The following OSBPL6 variants were observed in gnomAD, a reference collection of about 807,000 sequenced individuals.
OSBPL6 encodes oxysterol binding protein like 6, also known as oxysterol-binding protein-related protein 6.
Under a neutral mutation model 125.8 loss-of-function variants are expected in OSBPL6, and 49 were observed. The observed-to-expected ratio is 0.39, with a 90% CI of 0.31 to 0.49. OSBPL6 has a LOEUF of 0.49. Among genes scored for constraint, OSBPL6 ranks in the 20% least tolerant of loss-of-function variants. The pLI is 0.88. For missense variants in OSBPL6, 986 were observed against 1,135.4 expected, an observed-to-expected ratio of 0.87 and a Z score of 1.89; for synonymous variants, 394 against 391.8, an observed-to-expected ratio of 1.01 and a Z score of -0.07.
At chr2:178,210,000 A>C (rs1163029432) in intron 1 of OSBPL6, among the ~76,000 whole-genome samples, 1 of 151,946 alleles carries the variant, frequency 6.6e-6, no homozygotes, top group Non-Finnish European at 1.5e-5. Flanking sequence ...ACTATAAGTA[A>C]ATTTTATTTA....
chr2:178,364,534 T>G (rs1462173503), intron 13 of OSBPL6, among the ~76,000 whole-genome samples: 1 of 152,192 alleles, frequency 6.6e-6, no homozygotes, highest in Non-Finnish European at 1.5e-5. Context: ...AGAATCAGCA[T>G]GGCTTGGAGA....
intron 4 of OSBPL6, among the ~76,000 whole-genome samples, chr2:178,325,126 A>G (rs1688582107): frequency 6.6e-6 from 1 of 152,224 alleles, no homozygotes; most frequent in Non-Finnish European, 1.5e-5. Context: ...GAAAAGTTGG[A>G]AAGATACCAT....
chr2:178,266,296 T>C (rs2092231621), intron 1 of OSBPL6, among the ~76,000 whole-genome samples: 1 of 152,200 alleles, frequency 6.6e-6, no homozygotes, highest in African/African-American at 2.4e-5. Flanking sequence ...TAACACTAAG[T>C]GTTCAGCTGT....
At chr2:178,282,051 G>C (rs1684247194) in intron 1 of OSBPL6, among the ~76,000 whole-genome samples, 1 of 152,194 alleles carries the variant, frequency 6.6e-6, no homozygotes, top group Admixed American at 6.5e-5. Flanking sequence ...ACATAAAACT[G>C]TAAGACCAGG....
chr2:178,306,323 T>C, intron 3 of OSBPL6, 37 bp downstream of exon 3: 6 of 1,255,090 alleles, frequency 4.8e-6, no homozygotes, highest in Non-Finnish European at 7.0e-6. Flanking sequence ...GGTTGTTTTA[T>C]GCAAATGCAA....
intron 1 of OSBPL6, among the ~76,000 whole-genome samples, chr2:178,231,747 A>G (rs1290821787): frequency 6.7e-6 from 1 of 149,504 alleles, no homozygotes; most frequent in Non-Finnish European, 1.5e-5. Context: ...CCTGGCCTCA[A>G]GTGATCCTCC....
At chr2:178,360,432 GTT>G (rs1386620479) in intron 12 of OSBPL6, among the ~76,000 whole-genome samples, 4 of 152,048 alleles carry the variant, frequency 2.6e-5, no homozygotes, top group African/African-American at 9.7e-5. Context: ...CACAGTAACC[GTT>G]TTATTACATA....
chr2:178,242,531 C>G (rs1389989728), intron 1 of OSBPL6, among the ~76,000 whole-genome samples: 1 of 152,276 alleles, frequency 6.6e-6, no homozygotes, highest in South Asian at 2.1e-4. Flanking sequence ...GTGTGGCGAG[C>G]CTGCTTCTGC....
chr2:178,358,115 G>A (rs1027342826), intron 12 of OSBPL6, among the ~76,000 whole-genome samples: 1 of 152,128 alleles, frequency 6.6e-6, no homozygotes, highest in Non-Finnish European at 1.5e-5. Context: ...ATAGCATTAG[G>A]AGAAATACCT....
chr2:178,339,071 GCACCTAACT>G lies in OSBPL6; in HGVS notation c.872_880del (p.Ala291_Phe294delinsVal). ...GGAAATACTTCAGAGAACTCAGTCG[GCACCTAACT>G]TTACTGACATGCAGGTAAACATATT... is the stretch of plus-strand genomic sequence containing the variant. On this transcript the variant is annotated inframe_deletion, in exon 10 of 25. Transcript: ENST00000190611. The G allele has an allele frequency of 6.2e-7, 1 of 1,609,088 alleles. No homozygotes were observed. The highest frequency in any genetic ancestry group is 8.5e-7 in the Non-Finnish European group (1 of 1,176,104).
intron 1 of OSBPL6, among the ~76,000 whole-genome samples, chr2:178,237,457 A>G (rs879912878): frequency 3.3e-5 from 5 of 151,946 alleles, no homozygotes; most frequent in Non-Finnish European, 7.4e-5. Flanking sequence ...TCACCCATTG[A>G]AAAGGTCTCC....
intron 2 of OSBPL6, among the ~76,000 whole-genome samples, chr2:178,285,605 T>A (rs1468644463): frequency 1.3e-5 from 2 of 152,254 alleles, no homozygotes; most frequent in East Asian, 3.8e-4. Flanking sequence ...GCTGTGGTAC[T>A]AGCAATACTT....
intron 13 of OSBPL6, 132 bp from the exon 14 acceptor site, chr2:178,371,994 G>A: frequency 1.7e-6 from 1 of 577,458 alleles, no homozygotes; most frequent in Non-Finnish European, 3.0e-6. Flanking sequence ...GTAGGGTCTG[G>A]CTCATGATGG....
At chr2:178,298,947 A>G (rs558486430) in intron 2 of OSBPL6, among the ~76,000 whole-genome samples, 1 of 152,264 alleles carries the variant, frequency 6.6e-6, no homozygotes, top group African/African-American at 2.4e-5. Context: ...GTACACACCT[A>G]GGGATTTATG....
Position 178,346,569 on chromosome 2 carries a change from G to A in OSBPL6, c.988-2655G>A, listed in dbSNP as rs575443274. ...CCTCCTTTCACAGGACTTCAAGAAA[G>A]CCTTGGATTTCTTTCCTGCGCAGGG... On this transcript the variant is annotated intron_variant, in intron 11 of 24. Transcript: ENST00000190611. 1.5e-4 allele frequency among the ~76,000 whole-genome samples: 23 copies of A among 152,240 alleles called. 1 individual carries two copies. In the East Asian group the frequency reaches 4.4e-3, roughly 29 times the overall value.
chr2:178,283,003 T>C (rs1366013985), intron 1 of OSBPL6, among the ~76,000 whole-genome samples: 1 of 152,148 alleles, frequency 6.6e-6, no homozygotes, highest in Non-Finnish European at 1.5e-5. Context: ...TGCCTGTAAT[T>C]AAATGAGATT....
At chr2:178,360,442 A>G (rs149656177) in intron 12 of OSBPL6, among the ~76,000 whole-genome samples, 20 of 152,334 alleles carry the variant, frequency 1.3e-4, no homozygotes, top group African/African-American at 4.6e-4. Flanking sequence ...GTTTTATTAC[A>G]TATATGTATC....
At chr2:178,217,034 A>G (rs1324597388) in intron 1 of OSBPL6, among the ~76,000 whole-genome samples, 1 of 152,242 alleles carries the variant, frequency 6.6e-6, no homozygotes, top group Admixed American at 6.5e-5. Flanking sequence ...TTAGATAGTA[A>G]TATTCTATTA....
At chr2:178,382,718 T>C (rs1322906305) in intron 16 of OSBPL6, 5 of 1,446,468 alleles carry the variant, frequency 3.5e-6, no homozygotes, top group Non-Finnish European at 4.5e-6. Context: ...AGAAAACGTT[T>C]TTCCTCTTTC....
Sources: allele counts gnomAD v4.1 joint callset (sites outside exome capture counted in the v4.1 genomes callset), GRCh38; gene constraint gnomAD v4.1.1; transcripts MANE v1.5; gene names NCBI Gene and HGNC (gene_info 2026-07-23, HGNC 2026-07-21).